The following ZSCAN25 variants were observed in gnomAD, a reference collection of about 807,000 sequenced individuals.
ZSCAN25 encodes the protein zinc finger and SCAN domain-containing protein 25.
A neutral mutation model predicts 38.7 loss-of-function variants in ZSCAN25; 27 were observed. That is an observed-to-expected ratio of 0.70 (90% confidence interval 0.51 to 0.96). The LOEUF (loss-of-function observed/expected upper bound fraction) is 0.96, where lower values mean the gene tolerates loss of function less well. Among genes scored for constraint, ZSCAN25 ranks in the 40% least tolerant of loss-of-function variants. The pLI is 0.00. For missense variants in ZSCAN25, 637 were observed against 705.9 expected (o/e 0.90, Z 1.11); for synonymous variants, 273 against 277.7 (o/e 0.98, Z 0.17).
At chr7:99,729,342 C>A in the ZSCAN25 span, among the ~76,000 whole-genome samples, 139 of 152,278 alleles carry the variant, frequency 9.1e-4, 1 homozygote, top group Middle Eastern at 6.8e-3. Flanking sequence ...CCTTGTAACT[C>A]ATTATAAAAT....
At chr7:99,644,638 C>T in the ZSCAN25 span, among the ~76,000 whole-genome samples, 1 of 152,148 alleles carries the variant, frequency 6.6e-6, no homozygotes, top group African/African-American at 2.4e-5. Flanking sequence ...ATTCCTCCCA[C>T]ATGAACTCAT....
the ZSCAN25 span, chr7:99,652,865 A>C: frequency 2.1e-6 from 2 of 961,462 alleles, no homozygotes; most frequent in African/African-American, 3.3e-5. Flanking sequence ...AAGTATTAGA[A>C]GCTCCAGAGA....
the ZSCAN25 span, chr7:99,671,882 C>T: frequency 8.6e-6 from 6 of 701,594 alleles, no homozygotes; most frequent in Admixed American, 4.0e-5. Flanking sequence ...CACAAATCTA[C>T]GAATGTGAAA....
the ZSCAN25 span, among the ~76,000 whole-genome samples, chr7:99,700,875 A>G: frequency 6.6e-6 from 1 of 152,232 alleles, no homozygotes; most frequent in Admixed American, 6.5e-5. Context: ...AGATGCAGCC[A>G]GCACTGTTTC....
chr7:99,685,301 A>G, the ZSCAN25 span: 8 of 1,593,378 alleles, frequency 5.0e-6, no homozygotes, highest in Non-Finnish European at 6.9e-6. Context: ...TGTAGCATCA[A>G]AGTAAACAAA....
the ZSCAN25 span, chr7:99,685,199 G>T: frequency 8.1e-6 from 13 of 1,613,406 alleles, no homozygotes; most frequent in Non-Finnish European, 1.1e-5. Context: ...GGTTTTTCTG[G>T]TTGAAGAAGT....
the ZSCAN25 span, among the ~76,000 whole-genome samples, chr7:99,720,053 G>A: frequency 1.3e-5 from 2 of 152,120 alleles, no homozygotes; most frequent in East Asian, 1.9e-4. Context: ...CCACACAAAT[G>A]AGGGCACATA....
At chr7:99,710,862 G>T in the ZSCAN25 span, 1 of 1,613,778 alleles carries the variant, frequency 6.2e-7, no homozygotes, top group Non-Finnish European at 8.5e-7. Flanking sequence ...AAAGATAATT[G>T]ATTGGGCCAT....
chr7:99,686,258 A>G, the ZSCAN25 span, among the ~76,000 whole-genome samples: 1 of 152,174 alleles, frequency 6.6e-6, no homozygotes, highest in African/African-American at 2.4e-5. Context: ...TTTCCTAGTC[A>G]AAGAAAGGGG....
At chr7:99,693,545 C>T in the ZSCAN25 span, among the ~76,000 whole-genome samples, 2 of 152,216 alleles carry the variant, frequency 1.3e-5, no homozygotes, top group African/African-American at 2.4e-5. Context: ...TGCTGAGCTG[C>T]GGTGGGCTCC....
chr7:99,723,463 C>A, the ZSCAN25 span, among the ~76,000 whole-genome samples: 9 of 152,190 alleles, frequency 5.9e-5, no homozygotes, highest in Admixed American at 1.3e-4. Flanking sequence ...CCACCCCTAT[C>A]TCCCTTTGCA....
chr7:99,672,785 C>T, the ZSCAN25 span: 214 of 1,560,940 alleles, frequency 1.4e-4, 1 homozygote, highest in South Asian at 2.5e-3. Context: ...AATCCATACC[C>T]CTAGTTGTAC....
At chr7:99,622,848 C>T (rs1807106547) in intron 6 of ZSCAN25, among the ~76,000 whole-genome samples, 1 of 152,218 alleles carries the variant, frequency 6.6e-6, no homozygotes, top group African/African-American at 2.4e-5. Flanking sequence ...TGTCTGTCGC[C>T]CAGGCTGGAG....
the ZSCAN25 span, chr7:99,680,129 A>G: frequency 1.9e-6 from 1 of 525,902 alleles, no homozygotes. Flanking sequence ...AGGAATCATG[A>G]AAAGCTTAAT....
chr7:99,623,128 T>TA (rs1807140945), intron 6 of ZSCAN25, among the ~76,000 whole-genome samples: 3 of 152,174 alleles, frequency 2.0e-5, no homozygotes, highest in Admixed American at 2.0e-4. Context: ...TTACAACTGT[T>TA]ACAGATAGAA....
chr7:99,679,911 T>G, the ZSCAN25 span: 763 of 1,612,216 alleles, frequency 4.7e-4, 7 homozygotes, highest in African/African-American at 8.8e-3. Flanking sequence ...ACTTTCCTTC[T>G]TCAACTGTGT....
the ZSCAN25 span, among the ~76,000 whole-genome samples, chr7:99,719,047 A>G: frequency 2.6e-5 from 4 of 152,362 alleles, no homozygotes; most frequent in African/African-American, 7.2e-5. Context: ...GAATTGAAAG[A>G]CCAAACATAG....
At chr7:99,639,148 A>G in the ZSCAN25 span, among the ~76,000 whole-genome samples, 1 of 152,246 alleles carries the variant, frequency 6.6e-6, no homozygotes, top group East Asian at 1.9e-4. Flanking sequence ...TTTGGCTTTC[A>G]GGAAGAGCAA....
At chr7:99,665,207 A>G in the ZSCAN25 span, 1 of 1,614,000 alleles carries the variant, frequency 6.2e-7, no homozygotes, top group Middle Eastern at 1.6e-4. Flanking sequence ...AAATTTTAGG[A>G]ACTTCTTAGT....
Sources: gnomAD v4.1 joint callset for allele counts (sites outside exome capture counted in the v4.1 genomes callset) on GRCh38, gnomAD v4.1.1 for gene constraint, MANE v1.5 for transcripts, NCBI Gene and HGNC (gene_info 2026-07-23, HGNC 2026-07-21) for gene names.